The following SRPK1 variants were observed in gnomAD, a reference collection of about 807,000 sequenced individuals.
SRPK1 encodes SFRS protein kinase 1.
In SRPK1, 52 loss-of-function variants were observed where a neutral mutation model predicts 89.5. The ratio of observed to expected loss-of-function variants is 0.58; its 90% CI spans 0.46 to 0.73. The LOEUF is 0.73. Among genes scored for constraint, SRPK1 ranks in the 30% least tolerant of loss-of-function variants. The probability of loss-of-function intolerance (pLI) is 0.00; values close to 1 mark genes in which losing one functional copy is unlikely to be tolerated. For synonymous variants in SRPK1, 255 were observed against 270.2 expected (o/e 0.94, Z 0.55); for missense variants, 603 against 780.6 (o/e 0.77, Z 2.71).
Position 35,835,388 on chromosome 6 carries a change from A to G in SRPK1, c.1884T>C (p.Asp628=). The G allele has an allele frequency of 6.2e-7, 1 of 1,613,802 alleles. No individual in the cohort carries two copies. Among genetic ancestry groups the G allele is most frequent in the Non-Finnish European group, 8.5e-7 (1 of 1,179,844 alleles). ...TCAGCTCCAACATGGGCAGTAAGAA[A>G]TCTGTGAAGCCAGCTGCCTCTTCCT... is the stretch of plus-strand genomic sequence containing the variant. ...WSQEEAAGFT[D]FLLPMLELIP... Residue 628 remains aspartate, a synonymous_variant, in exon 16 of 16, where the codon GAT becomes GAC. Coordinates refer to ENST00000373825, the MANE Select transcript of SRPK1 (RefSeq NM_003137.5).
At chr6:35,855,937 G>A (rs1769656437) in intron 13 of SRPK1, among the ~76,000 whole-genome samples, 2 of 152,188 alleles carry the variant, frequency 1.3e-5, no homozygotes, top group African/African-American at 2.4e-5. Flanking sequence ...ATGTTGGTCA[G>A]GCTGGTCTTG....
In SRPK1 at chr6:35,920,616, C is replaced by CCGGCTGCGGGGCCTGCCTCGGGGG. The variant is rs1334259579; in HGVS notation, c.14-112_14-89dup. The CCGGCTGCGGGGCCTGCCTCGGGGG allele has an allele frequency of 8.8e-6, 11 of 1,244,012 alleles. No homozygotes were observed. In the South Asian group the frequency reaches 1.2e-4, roughly 13 times the overall value. 77.1% of individuals were successfully genotyped at this position (1,244,012 alleles called of 1,614,324 possible). ...TGGAGACCCAGCAGGGGCGCCAGGC[C>CCGGCTGCGGGGCCTGCCTCGGGGG]CGGCTGCGGGGCCTGCCTCGGGGGC... On this transcript the variant is annotated intron_variant, in intron 1 of 15. Coordinates refer to ENST00000373825, the MANE Select transcript of SRPK1 (RefSeq NM_003137.5).
chr6:35,855,533 CATA>C (rs1467070660), intron 13 of SRPK1, among the ~76,000 whole-genome samples: 2 of 152,084 alleles, frequency 1.3e-5, no homozygotes, highest in East Asian at 3.9e-4. Context: ...GAAATGAGAG[CATA>C]ATATGTTTCT....
rs1770501832 is a variant in SRPK1, at chr6:35,890,750, G to A, written c.193+145C>T. The A allele has an allele frequency of 7.8e-6, 5 of 643,192 alleles. No individual in the cohort carries two copies. The Middle Eastern group carries it at 1.4e-3, about 182-fold the overall frequency. The allele number at this position is 643,192 out of a possible 1,614,324, so 39.8% of individuals were successfully genotyped here. A position where few individuals can be genotyped will look rare whatever the true frequency, so the allele number is the denominator to read the frequency against. On this transcript the variant is annotated intron_variant, in intron 3 of 15. Transcript: ENST00000373825. ...GCTTTGATAAATTAAGTCAGACTAA[G>A]AACAAATACTATTTCCTATGTTTTA...
At chr6:35,867,305 T>C (rs1196963142) in intron 12 of SRPK1, among the ~76,000 whole-genome samples, 1 of 151,982 alleles carries the variant, frequency 6.6e-6, no homozygotes, top group East Asian at 1.9e-4. Flanking sequence ...CGTAGTGGAG[T>C]AATTCTAATT....
chr6:35,847,487 C>T (rs756206658), intron 13 of SRPK1, among the ~76,000 whole-genome samples: 1 of 152,170 alleles, frequency 6.6e-6, no homozygotes, highest in Non-Finnish European at 1.5e-5. Context: ...GGATTACAGG[C>T]ATAAGCCACC....
chr6:35,901,603 T>C (rs1407336740), intron 2 of SRPK1, among the ~76,000 whole-genome samples: 1 of 152,222 alleles, frequency 6.6e-6, no homozygotes, highest in East Asian at 1.9e-4. Context: ...TAAGAAATCC[T>C]AAGTCTCTTG....
chr6:35,918,047 G>A (rs1316427354), intron 2 of SRPK1, among the ~76,000 whole-genome samples: 1 of 152,176 alleles, frequency 6.6e-6, no homozygotes, highest in Non-Finnish European at 1.5e-5. Context: ...AAGTCATCAG[G>A]AGTGCAGTCA....
At position 35,913,969 on chromosome 6, in the gene SRPK1, C is replaced by CTTTTTTTTT. The variant is rs545555860; in HGVS notation, c.74+6490_74+6498dup. The stretch of plus-strand genomic sequence containing the variant: ...TGCCGCACAACAAAGGATACTTTCT[C>CTTTTTTTTT]TTTTTTTTTTTTTTTTTTTTTTTGA... On this transcript the variant is annotated intron_variant, in intron 2 of 15. Coordinates refer to ENST00000373825, the MANE Select transcript of SRPK1 (RefSeq NM_003137.5). Among the ~76,000 whole-genome samples, 25 of 92,938 alleles carry CTTTTTTTTT rather than the reference C, an allele frequency of 2.7e-4. 4 individuals are homozygous for CTTTTTTTTT. Among genetic ancestry groups the CTTTTTTTTT allele is most frequent in the East Asian group, 6.4e-4 (2 of 3,110 alleles). The allele number at this position is 92,938 out of a possible 152,430, so 61.0% of individuals were successfully genotyped here.
intron 2 of SRPK1, among the ~76,000 whole-genome samples, chr6:35,910,829 A>G (rs1770942754): frequency 6.6e-6 from 1 of 152,242 alleles, no homozygotes; most frequent in African/African-American, 2.4e-5. Context: ...TGGAACAACA[A>G]AGCCTAGATG....
chr6:35,871,631 ATAAC>A (rs1292261466), intron 8 of SRPK1, among the ~76,000 whole-genome samples: 3 of 152,234 alleles, frequency 2.0e-5, no homozygotes, highest in Admixed American at 6.5e-5. Context: ...AAAGAAGTGT[ATAAC>A]TAATAACTCA....
chr6:35,888,182 A>G, intron 4 of SRPK1, 71 bp from the exon 5 acceptor site: 1 of 1,020,334 alleles, frequency 9.8e-7, no homozygotes, highest in Non-Finnish European at 1.4e-6. Context: ...ATTTAGCTAT[A>G]AGATGGTTAA....
At chr6:35,920,718 C>T in intron 1 of SRPK1, 190 bp from the exon 2 acceptor site, 1 of 146,086 alleles carries the variant, frequency 6.8e-6, no homozygotes, top group East Asian at 1.4e-4. Flanking sequence ...GGGCGGGATG[C>T]GCCGGAGGGG....
rs1769150366 is a variant in SRPK1, at chr6:35,835,155, A to G, written c.*149T>C. 1.3e-6 allele frequency: 1 copy of G among 774,542 alleles called. No homozygotes were observed. The highest frequency in any genetic ancestry group is 1.7e-5 in the African/African-American group (1 of 57,468). The allele number at this position is 774,542 out of a possible 1,614,324, so 48.0% of individuals were successfully genotyped here. ...GGATCTCCACAGGGTCAAGTAAGCA[A>G]ACCCAAATGAACATGTTGGATTAAA... On this transcript the variant is annotated 3_prime_UTR_variant, in exon 16 of 16. Coordinates refer to ENST00000373825, the MANE Select transcript of SRPK1 (RefSeq NM_003137.5).
chr6:35,903,216 A>G (rs1770783283), intron 2 of SRPK1, among the ~76,000 whole-genome samples: 1 of 152,112 alleles, frequency 6.6e-6, no homozygotes, highest in African/African-American at 2.4e-5. Context: ...ATATTTCAGG[A>G]AACAAAAGTT....
intron 11 of SRPK1, 34 bp from the exon 12 acceptor site, chr6:35,869,144 C>G (rs775344342): frequency 6.6e-7 from 1 of 1,519,328 alleles, no homozygotes; most frequent in South Asian, 1.1e-5. Context: ...TAAGACTGTT[C>G]AATGAACAGA....
At chr6:35,909,992 T>C (rs1434611441) in intron 2 of SRPK1, among the ~76,000 whole-genome samples, 4 of 152,024 alleles carry the variant, frequency 2.6e-5, no homozygotes, top group Non-Finnish European at 5.9e-5. Context: ...TTTCTTTCTT[T>C]TTTTTTTTAA....
At chr6:35,881,154 C>T (rs1034242085) in intron 6 of SRPK1, among the ~76,000 whole-genome samples, 16 of 152,094 alleles carry the variant, frequency 1.1e-4, no homozygotes, top group South Asian at 6.2e-4. Context: ...AGAAGCTGAA[C>T]GAGTTCATTA....
At chr6:35,845,261 TTAA>T (rs1314147709) in intron 13 of SRPK1, among the ~76,000 whole-genome samples, 3 of 141,188 alleles carry the variant, frequency 2.1e-5, no homozygotes, top group African/African-American at 7.8e-5. Context: ...CTGACTTTGG[TTAA>T]TAATGATGTG....
Sources: allele counts gnomAD v4.1 joint callset (sites outside exome capture counted in the v4.1 genomes callset), GRCh38; gene constraint gnomAD v4.1.1; transcripts MANE v1.5; gene names NCBI Gene and HGNC (gene_info 2026-07-23, HGNC 2026-07-21).